TJP1: variants seen among roughly 807,000 people sequenced by gnomAD.
TJP1 encodes the protein tight junction protein ZO-1.
Under a neutral mutation model 194.2 loss-of-function variants are expected in TJP1, and 43 were observed. That is an observed-to-expected ratio of 0.22 (90% CI 0.17 to 0.29). The LOEUF (loss-of-function observed/expected upper bound fraction) is 0.29. Ranked by LOEUF, TJP1 falls within the 10% of genes least tolerant of loss-of-function variation. The pLI, the probability that TJP1 is intolerant of heterozygous loss-of-function variation, is 1.00. For missense variants in TJP1, 1,971 were observed against 2,185.7 expected, an observed-to-expected ratio of 0.90 and a Z score of 1.96; for synonymous variants, 801 against 779.0, an observed-to-expected ratio of 1.03 and a Z score of -0.47.
intron 18 of TJP1, among the ~76,000 whole-genome samples, chr15:29,724,909 T>C (rs546720489): frequency 1.7e-4 from 26 of 152,304 alleles, no homozygotes; most frequent in Admixed American, 1.6e-3. Flanking sequence ...AAATACTTTA[T>C]AGAAAATTAA....
At chr15:29,869,931 C>T (rs1226936423) in intron 2 of TJP1, among the ~76,000 whole-genome samples, 6 of 150,768 alleles carry the variant, frequency 4.0e-5, no homozygotes, top group South Asian at 2.1e-4. Context: ...CTCAGCCTCC[C>T]GAGTAGGTGG....
In TJP1 at chr15:29,832,736, G is replaced by C. The variant is rs1241358761; in HGVS notation, c.307-32034C>G. Among the ~76,000 whole-genome samples the C allele has an allele frequency of 3.9e-5, 6 of 152,230 alleles. No homozygotes were observed. The East Asian group carries it at 1.2e-3, about 29-fold the overall frequency. ...AGTAGTTACTCCACTGATAGAGGCA[G>C]ATGTGGGAAGATAAACTATGTAGAA... On this transcript the variant is annotated intron_variant, in intron 2 of 28. Coordinates refer to the TJP1 transcript ENST00000356107.
intron 2 of TJP1, among the ~76,000 whole-genome samples, chr15:29,795,384 T>G (rs1345365926): frequency 6.8e-6 from 1 of 147,188 alleles, no homozygotes; most frequent in African/African-American, 2.5e-5. Flanking sequence ...ACCACTGCAC[T>G]CCAGCTTGGG....
chr15:29,943,892 G>A (rs1053112151), intron 2 of TJP1, among the ~76,000 whole-genome samples: 34 of 151,592 alleles, frequency 2.2e-4, no homozygotes, highest in Non-Finnish European at 4.0e-4. Context: ...AGGTTGCAGT[G>A]AGCCAAGATT....
intron 2 of TJP1, among the ~76,000 whole-genome samples, chr15:29,887,323 C>T (rs191248303): frequency 2.6e-4 from 39 of 149,434 alleles, no homozygotes; most frequent in Admixed American, 4.0e-4. Context: ...TTTTTTGAGA[C>T]GGAGTTTTGC....
chr15:29,705,841 T>C, intron 25 of TJP1, 96 bp from the exon 26 acceptor site: 1 of 1,039,240 alleles, frequency 9.6e-7, no homozygotes, highest in Non-Finnish European at 1.4e-6. Context: ...CTTTTATTTC[T>C]CCATATAATC....
At chr15:29,853,901 T>C (rs1195499313) in intron 2 of TJP1, among the ~76,000 whole-genome samples, 1 of 152,136 alleles carries the variant, frequency 6.6e-6, no homozygotes, top group Non-Finnish European at 1.5e-5. Flanking sequence ...GGGTGGTTTT[T>C]TCCGAGAGAA....
chr15:29,962,616 G>A (rs866377148), intron 1 of TJP1, among the ~76,000 whole-genome samples: 1 of 152,158 alleles, frequency 6.6e-6, no homozygotes, highest in South Asian at 2.1e-4. Context: ...AAACAACAGT[G>A]TGAGCCAAGG....
intron 2 of TJP1, among the ~76,000 whole-genome samples, chr15:29,775,948 T>C (rs1023500966): frequency 2.6e-5 from 4 of 152,106 alleles, no homozygotes; most frequent in Non-Finnish European, 5.9e-5. Context: ...CCCAGAGAAA[T>C]TGTGCCAAAA....
At chr15:29,735,132 T>C (rs2043941282) in intron 11 of TJP1, among the ~76,000 whole-genome samples, 1 of 152,018 alleles carries the variant, frequency 6.6e-6, no homozygotes, top group East Asian at 1.9e-4. Context: ...AATGAACTTA[T>C]TAAAATGTCA....
chr15:29,917,410 C>T (rs547711664), intron 2 of TJP1, among the ~76,000 whole-genome samples: 175 of 152,208 alleles, frequency 1.1e-3, no homozygotes, highest in Non-Finnish European at 2.0e-3. Flanking sequence ...TGTATTACCT[C>T]CTCTCCCTCC....
chr15:29,881,573 C>T (rs1036682518), intron 2 of TJP1, among the ~76,000 whole-genome samples: 1 of 152,176 alleles, frequency 6.6e-6, no homozygotes, highest in Non-Finnish European at 1.5e-5. Context: ...TCCTCATTTG[C>T]TAATCTAGGA....
intron 1 of TJP1, among the ~76,000 whole-genome samples, chr15:29,967,736 C>T (rs2056381438): frequency 6.6e-6 from 1 of 152,164 alleles, no homozygotes. Context: ...GAATTACTTT[C>T]CTCATTACCT....
chr15:29,851,804 A>C (rs193233916), intron 2 of TJP1, among the ~76,000 whole-genome samples: 1 of 152,382 alleles, frequency 6.6e-6, no homozygotes, highest in Non-Finnish European at 1.5e-5. Context: ...GGAGCCAGGC[A>C]TGGTGGCATC....
chr15:29,726,626 A>C, intron 17 of TJP1, 147 bp from the exon 18 acceptor site: 1 of 1,121,650 alleles, frequency 8.9e-7, no homozygotes. Flanking sequence ...GCTACTGTAT[A>C]TTTTCTTTTA....
intron 10 of TJP1, among the ~76,000 whole-genome samples, chr15:29,740,441 T>C (rs776494651): frequency 6.6e-6 from 1 of 151,882 alleles, no homozygotes; most frequent in Admixed American, 6.6e-5. Flanking sequence ...GCCTGGGCAA[T>C]GCGGCGAAAC....
At chr15:29,767,606 A>C (rs2046404411) in intron 4 of TJP1, among the ~76,000 whole-genome samples, 3 of 152,008 alleles carry the variant, frequency 2.0e-5, no homozygotes, top group Admixed American at 2.0e-4. Context: ...CATTTTACAG[A>C]AGTCTTGCTC....
At chr15:29,917,329 C>T (rs953960402) in intron 2 of TJP1, among the ~76,000 whole-genome samples, 16 of 152,156 alleles carry the variant, frequency 1.1e-4, no homozygotes, top group African/African-American at 3.9e-4. Flanking sequence ...AGTGCTATAT[C>T]CATAATTACA....
intron 2 of TJP1, among the ~76,000 whole-genome samples, chr15:29,782,645 C>T (rs1186140685): frequency 1.3e-5 from 2 of 152,050 alleles, no homozygotes; most frequent in Non-Finnish European, 2.9e-5. Flanking sequence ...GCAAAGATTG[C>T]ATGACAAAGA....
Sources: allele counts gnomAD v4.1 joint callset (sites outside exome capture counted in the v4.1 genomes callset), GRCh38; gene constraint gnomAD v4.1.1; transcripts MANE v1.5; gene names NCBI Gene and HGNC (gene_info 2026-07-23, HGNC 2026-07-21).